KLHL3: variants seen among roughly 807,000 people sequenced by gnomAD.
KLHL3 encodes the protein kelch-like protein 3.
A neutral mutation model predicts 70.5 loss-of-function variants in KLHL3; 19 were observed. The observed-to-expected ratio is 0.27, with a 90% CI of 0.19 to 0.40. The LOEUF (loss-of-function observed/expected upper bound fraction) is 0.40, where lower values mean the gene tolerates loss of function less well. Ranked by LOEUF, KLHL3 falls within the 10% of genes least tolerant of loss-of-function variation. The pLI, the probability that KLHL3 is intolerant of heterozygous loss-of-function variation, is 1.00. For synonymous variants in KLHL3, 258 were observed against 290.3 expected (o/e 0.89, Z 1.13); for missense variants, 512 against 771.1 (o/e 0.66, Z 3.98).
chr5:137,638,636 G>GGCCTGAGGC (rs1345018585), intron 10 of KLHL3, among the ~76,000 whole-genome samples: 6 of 152,172 alleles, frequency 3.9e-5, no homozygotes, highest in African/African-American at 1.4e-4. Context: ...TCAAACTGGA[G>GGCCTGAGGC]ACCTGAGGCA....
At chr5:137,694,767 G>A (rs921608764) in intron 4 of KLHL3, among the ~76,000 whole-genome samples, 2 of 152,074 alleles carry the variant, frequency 1.3e-5, no homozygotes, top group Admixed American at 1.3e-4. Context: ...AAGGCCCCTC[G>A]CTTCTGGGCA....
chr5:137,647,592 G>A (rs533188092), intron 8 of KLHL3: 4 of 472,292 alleles, frequency 8.5e-6, no homozygotes, highest in South Asian at 1.5e-5. Context: ...TCGGTCCCTC[G>A]GGCCAGGGCA....
At chr5:137,686,643 G>C (rs1318115479) in intron 5 of KLHL3, among the ~76,000 whole-genome samples, 1 of 152,222 alleles carries the variant, frequency 6.6e-6, no homozygotes, top group African/African-American at 2.4e-5. Context: ...ACTTACAGTA[G>C]AGTGAGGTCA....
chr5:137,660,445 A>T (rs1443630422), intron 7 of KLHL3, among the ~76,000 whole-genome samples: 1 of 152,142 alleles, frequency 6.6e-6, no homozygotes, highest in Non-Finnish European at 1.5e-5. Context: ...GGTTTGACTG[A>T]CACTGGATGC....
intron 8 of KLHL3, among the ~76,000 whole-genome samples, chr5:137,643,296 G>T (rs1325845707): frequency 6.6e-6 from 1 of 151,204 alleles, no homozygotes; most frequent in African/African-American, 2.4e-5. Flanking sequence ...AGGCTGCAGT[G>T]AGTTGTGATT....
chr5:137,677,780 G>T, intron 5 of KLHL3, 126 bp from the exon 6 acceptor site: 1 of 525,950 alleles, frequency 1.9e-6, no homozygotes, highest in Non-Finnish European at 3.3e-6. Flanking sequence ...GGAGGGAAAG[G>T]GAGTGAAACA....
rs1296503524 is a variant in KLHL3, at chr5:137,638,860, C to T, written c.1219+93G>A. On this transcript the variant is annotated intron_variant, in intron 10 of 14. Coordinates refer to ENST00000309755, the MANE Select transcript of KLHL3 (RefSeq NM_017415.3). ...CCCTGGGGCAGTAGCTACAAATGGACAGAAAGTTGGTCCAGAACTGGCTGA... is the reference window on the plus strand; with the variant it reads ...CCCTGGGGCAGTAGCTACAAATGGATAGAAAGTTGGTCCAGAACTGGCTGA... The T allele has an allele frequency of 7.3e-6, 9 of 1,236,240 alleles. No homozygotes were observed. In the African/African-American group the frequency reaches 1.0e-4, roughly 14 times the overall value. 76.6% of individuals were successfully genotyped at this position (1,236,240 alleles called of 1,614,324 possible).
In KLHL3 at chr5:137,698,296, C is replaced by G. The variant is rs545396239; in HGVS notation, c.354G>C (p.Glu118Asp). Residue 118 changes from glutamate (E) to aspartate (D), a missense_variant, in exon 4 of 15, where the codon GAG becomes GAC. By Grantham distance (45) the Glu-to-Asp change is conservative (BLOSUM62 2). Transcript: ENST00000309755. ...GTGAGCCTGAGTTTACCTGGACATT[C>G]TCTTCAGTCACCTCGATTTCAGCAG... is the stretch of plus-strand genomic sequence containing the variant. The part of the protein sequence containing the change: ...IYTAEIEVTE[E>D]NVQVLLPAAS... The G allele has an allele frequency of 1.9e-6, 3 of 1,614,232 alleles. No homozygotes were observed. The highest frequency in any genetic ancestry group is 2.7e-5 in the African/African-American group (2 of 75,066).
At chr5:137,696,127 C>T (rs918701246) in intron 4 of KLHL3, among the ~76,000 whole-genome samples, 2 of 152,180 alleles carry the variant, frequency 1.3e-5, no homozygotes, top group Admixed American at 6.5e-5. Context: ...TATCCTGCCA[C>T]AGAGTTTGCT....
At chr5:137,666,765 T>C (rs548316608) in intron 6 of KLHL3, among the ~76,000 whole-genome samples, 1 of 152,332 alleles carries the variant, frequency 6.6e-6, no homozygotes, top group African/African-American at 2.4e-5. Context: ...GACTTCATGC[T>C]TGAAAAATAA....
At chr5:137,651,899 T>C (rs1204259549) in intron 8 of KLHL3, among the ~76,000 whole-genome samples, 1 of 152,162 alleles carries the variant, frequency 6.6e-6, no homozygotes, top group Non-Finnish European at 1.5e-5. Context: ...GACGAACACA[T>C]ATACAGTCAA....
intron 6 of KLHL3, among the ~76,000 whole-genome samples, chr5:137,674,394 A>G (rs1219447610): frequency 2.0e-5 from 3 of 152,214 alleles, no homozygotes; most frequent in Admixed American, 6.5e-5. Context: ...TAAGTAGGGA[A>G]GTCAAAATTC....
intron 3 of KLHL3, among the ~76,000 whole-genome samples, chr5:137,701,158 G>A (rs1418634571): frequency 6.6e-6 from 1 of 151,888 alleles, no homozygotes; most frequent in Non-Finnish European, 1.5e-5. Flanking sequence ...TCAGCCTCCC[G>A]AGTAGCTGAG....
In KLHL3 at chr5:137,618,645, G is replaced by A. The variant is rs1326018708; in HGVS notation, c.*3453C>T. 3 of 151,868 alleles carry A rather than the reference G, an allele frequency of 2.0e-5. No homozygotes were observed. Among genetic ancestry groups the A allele is most frequent in the Admixed American group, 1.3e-4 (2 of 15,250 alleles). The allele number at this position is 151,868 out of a possible 1,614,324, so 9.4% of individuals were successfully genotyped here. ...CTAGGACACTATGGGAGTATGTGCT[G>A]GGGGGGCAGGCCTTTCCCTGAGGCT... is the stretch of plus-strand genomic sequence containing the variant. On this transcript the variant is annotated 3_prime_UTR_variant, in exon 15 of 15. Transcript: ENST00000309755.
At chr5:137,731,117 A>T (rs1179996357) in intron 1 of KLHL3, among the ~76,000 whole-genome samples, 1 of 152,240 alleles carries the variant, frequency 6.6e-6, no homozygotes, top group Non-Finnish European at 1.5e-5. Context: ...TATCTTGTCC[A>T]GATCTGTTTT....
Position 137,643,399 on chromosome 5 carries a change from A to G in KLHL3, c.904-3422T>C, listed in dbSNP as rs558350960. On this transcript the variant is annotated intron_variant, in intron 8 of 14. Transcript: ENST00000309755. The stretch of plus-strand genomic sequence containing the variant: ...GAATACAAGATAAGGTTTTCAAAAC[A>G]AACTTGGCTTTGAGCTCATAAAACC... Among the ~76,000 whole-genome samples, 30 of 152,300 alleles carry G rather than the reference A, an allele frequency of 2.0e-4. No individual in the cohort carries two copies. The South Asian group carries it at 5.6e-3, about 28-fold the overall frequency.
intron 13 of KLHL3, among the ~76,000 whole-genome samples, chr5:137,627,219 A>T (rs904605840): frequency 6.6e-6 from 1 of 152,226 alleles, no homozygotes; most frequent in Admixed American, 6.5e-5. Context: ...TAAGACGTTC[A>T]TGAGAGATTG....
intron 8 of KLHL3, among the ~76,000 whole-genome samples, chr5:137,651,234 C>A (rs1206571189): frequency 3.4e-4 from 51 of 152,226 alleles, no homozygotes; most frequent in Admixed American, 3.2e-3. Flanking sequence ...TGCCATGGAA[C>A]CTACAGTTGC....
At chr5:137,634,559 A>T (rs984357505) in intron 11 of KLHL3, among the ~76,000 whole-genome samples, 1 of 152,254 alleles carries the variant, frequency 6.6e-6, no homozygotes, top group African/African-American at 2.4e-5. Flanking sequence ...AGGCAGGCAG[A>T]CCATCTTTCT....
Sources: allele counts gnomAD v4.1 joint callset (sites outside exome capture counted in the v4.1 genomes callset), GRCh38; gene constraint gnomAD v4.1.1; transcripts MANE v1.5; gene names NCBI Gene and HGNC (gene_info 2026-07-23, HGNC 2026-07-21).